The following JADE2 variants were observed in gnomAD, a reference collection of about 807,000 sequenced individuals.
The protein encoded by JADE2 is E3 ubiquitin-protein ligase Jade-2.
JADE2 carries 13 observed loss-of-function variants against 85.7 expected under a neutral mutation model. The ratio of observed to expected loss-of-function variants is 0.15; its 90% CI spans 0.10 to 0.24. The LOEUF is 0.24. Ranked by LOEUF, JADE2 falls within the 10% of genes least tolerant of loss-of-function variation. JADE2 has a pLI of 1.00. For synonymous variants in JADE2, 440 were observed against 456.1 expected (o/e 0.96, Z 0.45); for missense variants, 846 against 1,115.9 (o/e 0.76, Z 3.45).
At chr5:134,539,986 T>C (rs995522347) in intron 3 of JADE2, among the ~76,000 whole-genome samples, 1 of 152,092 alleles carries the variant, frequency 6.6e-6, no homozygotes, top group Non-Finnish European at 1.5e-5. Flanking sequence ...GGGTAGGGTA[T>C]AGACAGTGTT....
chr5:134,566,079 C>T lies in JADE2; in HGVS notation c.970-37C>T. ...CTGTCTTCTCCCCTCCCACCAGGCTCCCTCCATGTCTGATCCTGCCCCTCC... is the reference window on the plus strand; with the variant it reads ...CTGTCTTCTCCCCTCCCACCAGGCTTCCTCCATGTCTGATCCTGCCCCTCC... On this transcript the variant is annotated intron_variant, in intron 8 of 11. Transcript: ENST00000681547. This position sits in a 1 kb window ranked among gnomAD's most constrained non-coding sequence, Gnocchi z 6.7. The T allele has an allele frequency of 1.3e-6, 2 of 1,558,420 alleles. No homozygotes were observed. The highest frequency in any genetic ancestry group is 2.7e-5 in the African/African-American group (2 of 74,044).
At chr5:134,540,933 C>T (rs1245015562) in intron 3 of JADE2, among the ~76,000 whole-genome samples, 2 of 152,230 alleles carry the variant, frequency 1.3e-5, no homozygotes, top group Non-Finnish European at 1.5e-5. Flanking sequence ...GAGCAATTTG[C>T]ATGGGGCAGA....
chr5:134,534,116 G>A (rs983750825), intron 1 of JADE2, among the ~76,000 whole-genome samples: 2 of 152,166 alleles, frequency 1.3e-5, no homozygotes, highest in Admixed American at 6.5e-5. Flanking sequence ...CAGAGACGGA[G>A]AAGTCAGAAG....
chr5:134,559,071 C>G (rs947458292), intron 4 of JADE2, among the ~76,000 whole-genome samples: 1 of 152,224 alleles, frequency 6.6e-6, no homozygotes, highest in Non-Finnish European at 1.5e-5. Context: ...GGGATTTGGC[C>G]TCTGTCTTGG....
At chr5:134,531,791 C>T (rs1017988583) in intron 1 of JADE2, among the ~76,000 whole-genome samples, 2 of 151,024 alleles carry the variant, frequency 1.3e-5, no homozygotes, top group Non-Finnish European at 2.9e-5. Flanking sequence ...CCACATTAGC[C>T]AGGCTGGTCT....
intron 3 of JADE2, among the ~76,000 whole-genome samples, chr5:134,538,436 A>C (rs879308848): frequency 2.6e-5 from 4 of 152,196 alleles, no homozygotes; most frequent in Admixed American, 2.6e-4. Flanking sequence ...CAGTGGAATG[A>C]GAAGCAGCAG....
At position 134,562,074 on chromosome 5, in the gene JADE2, G is replaced by A. The variant is rs1763357126; in HGVS notation, c.685-126G>A. 9.7e-6 allele frequency: 9 copies of A among 929,074 alleles called. No homozygotes were observed. Among genetic ancestry groups the A allele is most frequent in the East Asian group, 7.6e-5 (3 of 39,492 alleles). 57.6% of individuals were successfully genotyped at this position (929,074 alleles called of 1,614,324 possible). A position where few individuals can be genotyped will look rare whatever the true frequency, so the allele number is the denominator to read the frequency against. On this transcript the variant is annotated intron_variant, in intron 6 of 11. Coordinates refer to ENST00000681547, the MANE Select transcript of JADE2 (RefSeq NM_001388185.1). This position sits in a 1 kb window ranked among gnomAD's most constrained non-coding sequence, Gnocchi z 4.6. ...CATTGTAACTCCTCAGAAGTTGTAC[G>A]TGCCAGAGATGGGAGGCTGTGTAGC...
chr5:134,555,034 G>A (rs1581438541), intron 4 of JADE2, among the ~76,000 whole-genome samples: 2 of 152,170 alleles, frequency 1.3e-5, no homozygotes, highest in East Asian at 3.9e-4. Flanking sequence ...CAAAGGCCCC[G>A]AGAACAAGCC....
chr5:134,572,208 G>A (rs866170118), intron 9 of JADE2, among the ~76,000 whole-genome samples: 108 of 152,332 alleles, frequency 7.1e-4, no homozygotes, highest in Admixed American at 3.7e-3. Context: ...GTGGCCCCCC[G>A]GAGTGGTACT....
intron 4 of JADE2, among the ~76,000 whole-genome samples, chr5:134,554,000 G>A (rs990037416): frequency 6.6e-6 from 1 of 152,170 alleles, no homozygotes; most frequent in Non-Finnish European, 1.5e-5. Context: ...CCACCAGTCT[G>A]CCTGGTCTGG....
chr5:134,532,788 G>A (rs1235860726), intron 1 of JADE2, among the ~76,000 whole-genome samples: 2 of 152,102 alleles, frequency 1.3e-5, no homozygotes, highest in Non-Finnish European at 2.9e-5. Flanking sequence ...GTGATCCATG[G>A]GGCAAAAAGC....
chr5:134,536,415 A>G (rs1428191503), intron 2 of JADE2, among the ~76,000 whole-genome samples: 1 of 152,284 alleles, frequency 6.6e-6, no homozygotes, highest in Non-Finnish European at 1.5e-5. Flanking sequence ...TGAACAAATC[A>G]ATGAAGATAC....
In JADE2 at chr5:134,579,303, G is replaced by T. The variant is rs543187733; in HGVS notation, c.2491G>T (p.Val831Leu). The T allele has an allele frequency of 7.5e-6, 12 of 1,603,496 alleles. No individual in the cohort carries two copies. In the Admixed American group the frequency reaches 1.2e-4, roughly 16 times the overall value. ...AGAEEVVRMG[V>L]LAS is the part of the protein sequence containing the mutation. ...GGCAGAGGAGGTGGTCCGCATGGGCGTACTGGCCTCCTAACTCACCCCCTT... is the reference window on the plus strand; with the variant it reads ...GGCAGAGGAGGTGGTCCGCATGGGCTTACTGGCCTCCTAACTCACCCCCTT... Residue 831 changes from valine (V) to leucine (L), a missense_variant, in exon 12 of 12, where the codon GTA (valine) becomes TTA (leucine). Transcript: ENST00000681547. The surrounding 1 kb of genome is among the most constrained non-coding windows in gnomAD (Gnocchi z 4.6).
At chr5:134,537,074 G>T (rs1450940210) in intron 2 of JADE2, among the ~76,000 whole-genome samples, 1 of 152,172 alleles carries the variant, frequency 6.6e-6, no homozygotes, top group African/African-American at 2.4e-5. Context: ...GCCTTTTGTG[G>T]CTACAACATG....
chr5:134,579,436 C>T lies in JADE2; in HGVS notation c.*119C>T. 1.7e-5 allele frequency: 13 copies of T among 749,816 alleles called. No individual in the cohort carries two copies. Among genetic ancestry groups the T allele is most frequent in the Non-Finnish European group, 1.3e-5 (6 of 474,052 alleles). The allele number at this position is 749,816 out of a possible 1,614,324, so 46.4% of individuals were successfully genotyped here. A position where few individuals can be genotyped will look rare whatever the true frequency, so the allele number is the denominator to read the frequency against. ...CAGACCCTCGAGGCTGCCACTCCGT[C>T]GTGGTTTTATTTTTAATATAGAGAG... On this transcript the variant is annotated 3_prime_UTR_variant, in exon 12 of 12. Coordinates refer to ENST00000681547, the MANE Select transcript of JADE2 (RefSeq NM_001388185.1). This position sits in a 1 kb window ranked among gnomAD's most constrained non-coding sequence, Gnocchi z 4.6.
At chr5:134,524,588 G>C (rs1463417035), upstream of JADE2, among the ~76,000 whole-genome samples, 1 of 152,204 alleles carries the variant, frequency 6.6e-6, no homozygotes, top group African/African-American at 2.4e-5. Flanking sequence ...GGAAGGGGTC[G>C]CCCCGGGGCA....
At position 134,560,762 on chromosome 5, in the gene JADE2, C is replaced by T. The variant is rs372424907; in HGVS notation, c.489C>T (p.Asp163=). The change falls in exon 6 of 12, where the codon GAC becomes GAT. Residue 163 remains aspartate (D), a synonymous_variant. Coordinates refer to ENST00000681547, the MANE Select transcript of JADE2 (RefSeq NM_001388185.1). ...ELKEMERPEL[D]ELTLERVLEE... is the part of the protein sequence containing the mutation. ...TCCTCACAGAGAGGCCGGAGCTGGA[C>T]GAGCTGACATTAGAGCGTGTGCTGG... 8.4e-5 allele frequency: 135 copies of T among 1,613,574 alleles called. No homozygotes were observed. The highest frequency in any genetic ancestry group is 1.1e-4 in the Non-Finnish European group (129 of 1,179,818).
At chr5:134,542,292 G>A (rs1277538387) in intron 3 of JADE2, among the ~76,000 whole-genome samples, 4 of 152,214 alleles carry the variant, frequency 2.6e-5, no homozygotes, top group African/African-American at 7.2e-5. Flanking sequence ...AAATGGTGTA[G>A]CCATTGTTAG....
At chr5:134,534,286 C>T (rs1264828007) in intron 1 of JADE2, among the ~76,000 whole-genome samples, 2 of 151,908 alleles carry the variant, frequency 1.3e-5, no homozygotes, top group Non-Finnish European at 2.9e-5. Flanking sequence ...CCCTGTGGAC[C>T]CTGTGGAACC....
Sources: gnomAD v4.1 joint callset for allele counts (sites outside exome capture counted in the v4.1 genomes callset) on GRCh38, gnomAD v4.1.1 for gene constraint, Gnocchi (gnomAD v3.1) non-coding constraint, MANE v1.5 for transcripts, NCBI Gene and HGNC (gene_info 2026-07-23, HGNC 2026-07-21) for gene names.